CCDC172: variants seen among roughly 807,000 people sequenced by gnomAD.
The protein encoded by CCDC172 is coiled-coil domain containing 172.
In CCDC172, 30 loss-of-function variants were observed where a neutral mutation model predicts 38.0. That is an observed-to-expected ratio of 0.79 (90% CI 0.59 to 1.07). The LOEUF is 1.07. CCDC172 is among the 50% of genes least tolerant of loss of function. The probability of loss-of-function intolerance (pLI) is 0.00; values close to 1 mark genes in which losing one functional copy is unlikely to be tolerated. For synonymous variants in CCDC172, 78 were observed against 88.3 expected, an observed-to-expected ratio of 0.88 and a Z score of 0.66; for missense variants, 297 against 290.1, an observed-to-expected ratio of 1.02 and a Z score of -0.17.
chr10:116,332,093 T>C (rs2134906278), intron 3 of CCDC172, among the ~76,000 whole-genome samples: 1 of 152,206 alleles, frequency 6.6e-6, no homozygotes, highest in South Asian at 2.1e-4. Flanking sequence ...ATTTTTGTTC[T>C]TATGTGGGCA....
intron 5 of CCDC172, among the ~76,000 whole-genome samples, chr10:116,356,521 AC>A (rs953461426): frequency 9.9e-5 from 15 of 152,126 alleles, no homozygotes; most frequent in Non-Finnish European, 1.0e-4. Flanking sequence ...ACAGAGGGAA[AC>A]AAAAGACTTC....
Position 116,342,132 on chromosome 10 carries a change from C to A in CCDC172, c.379C>A (p.Leu127Ile), listed in dbSNP as rs755387650. Residue 127 changes from leucine (L) to isoleucine (I), a missense_variant, in exon 5 of 9, where the codon CTT becomes ATT. Physicochemically the swap from Leu to Ile is conservative, Grantham distance 5. Coordinates refer to ENST00000333254, the MANE Select transcript of CCDC172 (RefSeq NM_198515.3). ...TTATGAAATAACAAAGAAAAGAGAG[C>A]TTTTGATGAAAGAAAATGTCAAGAT... ...NDYEITKKRE[L>I]LMKENVKIEI... 3 of 1,548,284 alleles carry A rather than the reference C, an allele frequency of 1.9e-6. No individual in the cohort carries two copies. Among genetic ancestry groups the A allele is most frequent in the East Asian group, 2.5e-5 (1 of 40,752 alleles).
rs199976234 is a variant in CCDC172 at position 116,331,178 on chromosome 10, TATTAA to T, written c.165+5796_165+5800del. The stretch of plus-strand genomic sequence containing the variant: ...ATTTAAAATGCAATAGGATTATTGT[TATTAA>T]ATTAATGTTTAAAAATTTTTCAGTT... On this transcript the variant is annotated intron_variant, in intron 3 of 8. Coordinates refer to ENST00000333254, the MANE Select transcript of CCDC172 (RefSeq NM_198515.3). Among the ~76,000 whole-genome samples the T allele has an allele frequency of 9.9e-3, 1,503 of 152,348 alleles. 27 individuals carry two copies. The highest frequency in any genetic ancestry group is 0.034 in the African/African-American group (1,412 of 41,592).
At position 116,325,399 on chromosome 10, in the gene CCDC172, G is replaced by A. The variant is rs1248578702; in HGVS notation, c.165+11G>A. ...AAGCTGGAATCTAAGGTATTGAAAT[G>A]TAAAGCATACTAATTATCACTTGAA... On this transcript the variant is annotated intron_variant, in intron 3 of 8. Transcript: ENST00000333254. 6.2e-7 allele frequency: 1 copy of A among 1,602,782 alleles called. No individual in the cohort carries two copies. The highest frequency in any genetic ancestry group is 2.2e-5 in the East Asian group (1 of 44,802).
chr10:116,331,480 A>G (rs1311554485), intron 3 of CCDC172, among the ~76,000 whole-genome samples: 2 of 152,174 alleles, frequency 1.3e-5, no homozygotes, highest in African/African-American at 4.8e-5. Context: ...AAGCTCCACA[A>G]GGGATAGAAA....
intron 5 of CCDC172, among the ~76,000 whole-genome samples, chr10:116,352,099 A>G (rs955502424): frequency 1.3e-5 from 2 of 152,194 alleles, no homozygotes; most frequent in Non-Finnish European, 2.9e-5. Flanking sequence ...GAAGACATTC[A>G]TGTTCCATCT....
At chr10:116,374,843 A>G (rs1347839398) in intron 7 of CCDC172, among the ~76,000 whole-genome samples, 1 of 151,920 alleles carries the variant, frequency 6.6e-6, no homozygotes, top group Non-Finnish European at 1.5e-5. Flanking sequence ...AGACACAAAT[A>G]TATGGTTTCC....
intron 7 of CCDC172, among the ~76,000 whole-genome samples, chr10:116,364,956 A>C (rs903144599): frequency 6.6e-6 from 1 of 152,182 alleles, no homozygotes; most frequent in Non-Finnish European, 1.5e-5. Flanking sequence ...TACATGGAAC[A>C]TAAGTTTTTC....
chr10:116,325,237 TCAAACGCCACCA>T, intron 2 of CCDC172, 54 bp from the exon 3 acceptor site: 2 of 1,530,534 alleles, frequency 1.3e-6, no homozygotes, highest in Non-Finnish European at 1.8e-6. Flanking sequence ...AGGTGGCTTA[TCAAACGCCACCA>T]AAATGGGGAC....
chr10:116,353,771 C>T (rs761697579), intron 5 of CCDC172, among the ~76,000 whole-genome samples: 13 of 151,932 alleles, frequency 8.6e-5, no homozygotes, highest in Non-Finnish European at 1.5e-4. Flanking sequence ...TTTTAAGCAA[C>T]ATGAAAAGTT....
intron 8 of CCDC172, 22 bp downstream of exon 8, chr10:116,378,532 A>G: frequency 1.3e-6 from 2 of 1,577,368 alleles, no homozygotes; most frequent in Admixed American, 1.8e-5. Flanking sequence ...TTGATTGTTT[A>G]ACTTTTGTTC....
intron 3 of CCDC172, among the ~76,000 whole-genome samples, chr10:116,326,674 A>G (rs915420319): frequency 6.6e-6 from 1 of 152,114 alleles, no homozygotes; most frequent in African/African-American, 2.4e-5. Flanking sequence ...ACATACTTGT[A>G]TTTGTGTTTG....
chr10:116,368,534 T>C lies in CCDC172; in HGVS notation c.654-9889T>C, dbSNP rs532139043. Among the ~76,000 whole-genome samples the C allele has an allele frequency of 1.4e-4, 21 of 152,154 alleles. No homozygotes were observed. The South Asian group carries it at 4.2e-3, about 30-fold the overall frequency. ...ATTATTATTTTTGATACCCCAATTT[T>C]CCCAAATTTGGCCAGAGGCAATCCC... is the stretch of plus-strand genomic sequence containing the variant. On this transcript the variant is annotated intron_variant, in intron 7 of 8. Transcript: ENST00000333254.
chr10:116,344,712 CT>C (rs1489773481), intron 5 of CCDC172, among the ~76,000 whole-genome samples: 2 of 152,192 alleles, frequency 1.3e-5, no homozygotes, highest in East Asian at 3.9e-4. Flanking sequence ...CTTACTGTAA[CT>C]TTTTTACTTT....
At chr10:116,357,723 G>A (rs1037922668) in intron 6 of CCDC172, 113 bp from the exon 7 acceptor site, 11 of 691,528 alleles carry the variant, frequency 1.6e-5, no homozygotes, top group South Asian at 1.0e-4. Flanking sequence ...AATCATTAGT[G>A]TATAAATTTT....
rs1259153731 is a variant in CCDC172, at chr10:116,356,836, A to G, written c.449-544A>G. On this transcript the variant is annotated intron_variant, in intron 5 of 8. Transcript: ENST00000333254. ...TCTTATTTGGAACTTTATTTCACTAAGTGATATTACATATTTTGAATTCTC... is the reference window on the plus strand; with the variant it reads ...TCTTATTTGGAACTTTATTTCACTAGGTGATATTACATATTTTGAATTCTC... Among the ~76,000 whole-genome samples, 6 of 152,208 alleles carry G rather than the reference A, an allele frequency of 3.9e-5. No homozygotes were observed. The East Asian group carries it at 9.6e-4, about 24-fold the overall frequency.
At chr10:116,360,469 G>A (rs10510017) in intron 7 of CCDC172, among the ~76,000 whole-genome samples, 15,185 of 152,182 alleles carry the variant, frequency 0.1, 1,351 homozygotes, top group East Asian at 0.33. Flanking sequence ...TATATTTTCA[G>A]TGTTATTTGC....
intron 5 of CCDC172, among the ~76,000 whole-genome samples, chr10:116,344,896 A>G (rs1041095254): frequency 6.6e-6 from 1 of 151,370 alleles, no homozygotes; most frequent in Non-Finnish European, 1.5e-5. Flanking sequence ...AAACACAAAC[A>G]TGCACATTAG....
Position 116,324,960 on chromosome 10 carries a change from G to T in CCDC172, c.-52G>T. ...TCTGCTTTCCAGGATCCTCAGAGTTGGTTATAAAATATTTAAGGGCGAGAA... is the reference window on the plus strand; with the variant it reads ...TCTGCTTTCCAGGATCCTCAGAGTTTGTTATAAAATATTTAAGGGCGAGAA... On this transcript the variant is annotated 5_prime_UTR_variant, in exon 2 of 9. Coordinates refer to ENST00000333254, the MANE Select transcript of CCDC172 (RefSeq NM_198515.3). 1 of 1,414,006 alleles carries T rather than the reference G, an allele frequency of 7.1e-7. No individual in the cohort carries two copies. Among genetic ancestry groups the T allele is most frequent in the South Asian group, 1.2e-5 (1 of 86,724 alleles). 87.6% of individuals were successfully genotyped at this position (1,414,006 alleles called of 1,614,324 possible).
Sources: allele counts gnomAD v4.1 joint callset (sites outside exome capture counted in the v4.1 genomes callset), GRCh38; gene constraint gnomAD v4.1.1; transcripts MANE v1.5; gene names NCBI Gene and HGNC (gene_info 2026-07-23, HGNC 2026-07-21).